ATP8A1: variants seen among roughly 807,000 people sequenced by gnomAD.
The protein encoded by ATP8A1 is phospholipid-transporting ATPase IA.
ATP8A1 carries 90 observed loss-of-function variants against 177.7 expected under a neutral mutation model. That is an observed-to-expected ratio of 0.51 (90% CI 0.43 to 0.60). The LOEUF is 0.60. ATP8A1 is among the 20% of genes least tolerant of loss of function. ATP8A1 has a pLI of 0.00. For missense variants in ATP8A1, 1,072 were observed against 1,392.8 expected (o/e 0.77, Z 3.67); for synonymous variants, 493 against 485.9 (o/e 1.01, Z -0.19).
At chr4:42,564,256 C>T (rs1010084884) in intron 15 of ATP8A1, among the ~76,000 whole-genome samples, 9 of 152,094 alleles carry the variant, frequency 5.9e-5, no homozygotes, top group African/African-American at 7.2e-5. Context: ...GGGTCAGAGC[C>T]CCCCCCAACA....
chr4:42,647,765 T>C (rs974192986), intron 1 of ATP8A1, among the ~76,000 whole-genome samples: 3 of 152,074 alleles, frequency 2.0e-5, no homozygotes, highest in Non-Finnish European at 4.4e-5. Flanking sequence ...TTTGACCTTA[T>C]TCCTAGCAAA....
chr4:42,418,474 G>A (rs1180750786), intron 35 of ATP8A1, among the ~76,000 whole-genome samples: 1 of 152,174 alleles, frequency 6.6e-6, no homozygotes, highest in Non-Finnish European at 1.5e-5. Flanking sequence ...TTTGGATAAG[G>A]TTTAAATGTT....
intron 25 of ATP8A1, among the ~76,000 whole-genome samples, chr4:42,479,665 G>A (rs908904953): frequency 6.6e-6 from 1 of 152,248 alleles, no homozygotes; most frequent in Non-Finnish European, 1.5e-5. Flanking sequence ...GAAAGCTACA[G>A]AGCACTGCAT....
In ATP8A1 at chr4:42,613,467, T is replaced by C. The variant is rs548228854; in HGVS notation, c.409+2566A>G. 1.6e-4 allele frequency among the ~76,000 whole-genome samples: 25 copies of C among 152,330 alleles called. No homozygotes were observed. In the South Asian group the frequency reaches 3.9e-3, roughly 24 times the overall value. Reference sequence around the variant, plus strand: ...CCTATGCATGTCCTTTCATATACTTTAAATCATCTCTACATTACTTATAAG... The same window carrying C: ...CCTATGCATGTCCTTTCATATACTTCAAATCATCTCTACATTACTTATAAG... On this transcript the variant is annotated intron_variant, in intron 5 of 36. Coordinates refer to ENST00000381668, the MANE Select transcript of ATP8A1 (RefSeq NM_006095.2).
At chr4:42,563,696 GC>G (rs1300679218) in intron 15 of ATP8A1, among the ~76,000 whole-genome samples, 3 of 152,174 alleles carry the variant, frequency 2.0e-5, no homozygotes, top group Non-Finnish European at 4.4e-5. Flanking sequence ...CTGTGTCACG[GC>G]CACTCCAGCC....
intron 22 of ATP8A1, among the ~76,000 whole-genome samples, chr4:42,520,367 T>C (rs1578096350): frequency 2.0e-5 from 3 of 152,154 alleles, no homozygotes; most frequent in Admixed American, 2.0e-4. Context: ...TTTTTTTTTT[T>C]AATTCTTAAA....
chr4:42,613,828 T>A, intron 5 of ATP8A1, among the ~76,000 whole-genome samples: 1 of 152,026 alleles, frequency 6.6e-6, no homozygotes, highest in East Asian at 1.9e-4. Context: ...TGGCGATCCA[T>A]CCGCCTCAGC....
At chr4:42,540,649 G>A (rs1728295866) in intron 20 of ATP8A1, among the ~76,000 whole-genome samples, 1 of 152,014 alleles carries the variant, frequency 6.6e-6, no homozygotes, top group South Asian at 2.1e-4. Context: ...AGATGAAACT[G>A]GAGGTCATTA....
chr4:42,423,151 A>T (rs1714188028), intron 34 of ATP8A1, among the ~76,000 whole-genome samples: 1 of 152,158 alleles, frequency 6.6e-6, no homozygotes, highest in East Asian at 1.9e-4. Flanking sequence ...ATGTAATTAA[A>T]TTAAATGCTA....
intron 22 of ATP8A1, among the ~76,000 whole-genome samples, chr4:42,513,407 A>G (rs1314577731): frequency 6.6e-6 from 1 of 152,210 alleles, no homozygotes; most frequent in Non-Finnish European, 1.5e-5. Context: ...GGATAAACAC[A>G]GGAATGAGGT....
chr4:42,537,047 G>A (rs963728542), intron 20 of ATP8A1, among the ~76,000 whole-genome samples: 17 of 151,534 alleles, frequency 1.1e-4, no homozygotes, highest in African/African-American at 3.6e-4. Flanking sequence ...CAAGAGAATT[G>A]CTTGAACCCA....
In ATP8A1 at chr4:42,435,454, A is replaced by C. The variant is rs976734228; in HGVS notation, c.3123+8111T>G. 4.4e-4 allele frequency among the ~76,000 whole-genome samples: 38 copies of C among 86,858 alleles called. 2 individuals carry two copies. Among genetic ancestry groups the C allele is most frequent in the South Asian group, 1.3e-3 (3 of 2,370 alleles). 57.0% of individuals were successfully genotyped at this position (86,858 alleles called of 152,430 possible). On this transcript the variant is annotated intron_variant, in intron 33 of 36. Coordinates refer to ENST00000381668, the MANE Select transcript of ATP8A1 (RefSeq NM_006095.2). ...AAAAAAAAAAAAAAAAAAAAACAAA[A>C]AAAAAAAAACAAACTATCTCCAGTT...
At chr4:42,643,594 TTAG>T (rs1740225631) in intron 1 of ATP8A1, among the ~76,000 whole-genome samples, 1 of 152,190 alleles carries the variant, frequency 6.6e-6, no homozygotes, top group Non-Finnish European at 1.5e-5. Context: ...CCACTGATGC[TTAG>T]TAGTTGAAGC....
At chr4:42,564,260 C>A (rs563554833) in intron 15 of ATP8A1, among the ~76,000 whole-genome samples, 2 of 152,142 alleles carry the variant, frequency 1.3e-5, no homozygotes, top group East Asian at 1.9e-4. Flanking sequence ...CAGAGCCCCC[C>A]CCAACAGAGT....
chr4:42,421,136 T>C (rs1426294932), intron 35 of ATP8A1, among the ~76,000 whole-genome samples: 2 of 152,278 alleles, frequency 1.3e-5, no homozygotes, highest in South Asian at 2.1e-4. Context: ...CTAGCTGAAT[T>C]TACTGACAAA....
intron 1 of ATP8A1, 125 bp downstream of exon 1, chr4:42,656,700 G>A: frequency 8.5e-7 from 1 of 1,171,412 alleles, no homozygotes; most frequent in Non-Finnish European, 1.2e-6. Context: ...TAGGGGCCGG[G>A]CGCGACAGTC....
chr4:42,607,703 A>G (rs539255989), intron 5 of ATP8A1, among the ~76,000 whole-genome samples: 18 of 151,864 alleles, frequency 1.2e-4, no homozygotes, highest in Non-Finnish European at 2.4e-4. Flanking sequence ...AGCCAAGGCC[A>G]ATGTAATTTT....
At chr4:42,518,107 C>A (rs1183327964) in intron 22 of ATP8A1, among the ~76,000 whole-genome samples, 1 of 152,158 alleles carries the variant, frequency 6.6e-6, no homozygotes, top group African/African-American at 2.4e-5. Flanking sequence ...AATAAGGATT[C>A]AACTTAGTTT....
At chr4:42,578,718 G>C (rs1732722238) in intron 11 of ATP8A1, among the ~76,000 whole-genome samples, 1 of 152,062 alleles carries the variant, frequency 6.6e-6, no homozygotes, top group Non-Finnish European at 1.5e-5. Flanking sequence ...CAATTGGGTA[G>C]AATCACTTTT....
Sources: allele counts gnomAD v4.1 joint callset (sites outside exome capture counted in the v4.1 genomes callset), GRCh38; gene constraint gnomAD v4.1.1; transcripts MANE v1.5; gene names NCBI Gene and HGNC (gene_info 2026-07-23, HGNC 2026-07-21).